The following ARMH3 variants were observed in gnomAD, a reference collection of about 807,000 sequenced individuals.
ARMH3 encodes the protein armadillo like helical domain containing 3.
ARMH3 carries 60 observed loss-of-function variants against 99.1 expected under a neutral mutation model. That is an observed-to-expected ratio of 0.61 (90% CI 0.49 to 0.75). The LOEUF is 0.75. Among genes scored for constraint, ARMH3 ranks in the 30% least tolerant of loss-of-function variants. The probability of loss-of-function intolerance (pLI) is 0.00; values close to 1 mark genes in which losing one functional copy is unlikely to be tolerated. For missense variants in ARMH3, 679 were observed against 843.1 expected (o/e 0.81, Z 2.41); for synonymous variants, 285 against 292.8 (o/e 0.97, Z 0.27).
chr10:101,878,731 G>A (rs1433140417), intron 24 of ARMH3, among the ~76,000 whole-genome samples: 1 of 152,000 alleles, frequency 6.6e-6, no homozygotes, highest in Non-Finnish European at 1.5e-5. Context: ...AGAGGCTGAG[G>A]CAGGAGGATC....
At chr10:102,009,523 G>C in intron 12 of ARMH3, 74 bp from the exon 13 acceptor site, 1 of 1,256,316 alleles carries the variant, frequency 8.0e-7, no homozygotes, top group Non-Finnish European at 1.2e-6. Context: ...ATGAAGATAA[G>C]ATTGGATTGC....
At chr10:102,040,965 T>C (rs2067396446) in intron 1 of ARMH3, among the ~76,000 whole-genome samples, 1 of 151,622 alleles carries the variant, frequency 6.6e-6, no homozygotes, top group African/African-American at 2.4e-5. Context: ...TCTTTAGAAA[T>C]TCCTCTGGAA....
intron 1 of ARMH3, among the ~76,000 whole-genome samples, chr10:102,043,232 T>A (rs1291773917): frequency 1.3e-5 from 2 of 152,176 alleles, no homozygotes; most frequent in Non-Finnish European, 2.9e-5. Flanking sequence ...TTGCAAGGCA[T>A]AATGGAACAA....
chr10:101,882,672 G>C lies in ARMH3; in HGVS notation c.1860+6740C>G, dbSNP rs372840236. Among the ~76,000 whole-genome samples, 63 of 152,234 alleles carry C rather than the reference G, an allele frequency of 4.1e-4. 2 individuals carry two copies. Among genetic ancestry groups the C allele is most frequent in the African/African-American group, 1.5e-3 (62 of 41,540 alleles). Reference sequence around the variant, plus strand: ...ATGCCACCATGCCCGGCTAATTTTTGTATTTTTAGTAGAGACAGGGTTTCA... The same window carrying C: ...ATGCCACCATGCCCGGCTAATTTTTCTATTTTTAGTAGAGACAGGGTTTCA... On this transcript the variant is annotated intron_variant, in intron 24 of 25. Coordinates refer to ENST00000370033, the MANE Select transcript of ARMH3 (RefSeq NM_024541.3).
chr10:102,011,210 T>G (rs1364136706), intron 11 of ARMH3, among the ~76,000 whole-genome samples: 3 of 152,104 alleles, frequency 2.0e-5, no homozygotes, highest in East Asian at 3.9e-4. Context: ...CCTAAGCTAT[T>G]AGAAGAGTGG....
intron 23 of ARMH3, among the ~76,000 whole-genome samples, chr10:101,913,646 G>C (rs1590011952): frequency 6.6e-6 from 1 of 152,184 alleles, no homozygotes; most frequent in African/African-American, 2.4e-5. Flanking sequence ...GATTATAGGC[G>C]TAAGCCACTG....
At chr10:101,913,809 A>G (rs1166956165) in intron 23 of ARMH3, among the ~76,000 whole-genome samples, 1 of 152,114 alleles carries the variant, frequency 6.6e-6, no homozygotes, top group Non-Finnish European at 1.5e-5. Context: ...CACTTCAGAA[A>G]CTTCCCAGGT....
At chr10:101,990,199 C>T (rs6584468) in intron 19 of ARMH3, among the ~76,000 whole-genome samples, 79,855 of 136,410 alleles carry the variant, frequency 0.59, 22,252 homozygotes, top group East Asian at 0.77. Context: ...TTTTTTTTTT[C>T]CCAGACAGAG....
chr10:102,050,324 C>G (rs1006557683), intron 1 of ARMH3, among the ~76,000 whole-genome samples: 1 of 151,736 alleles, frequency 6.6e-6, no homozygotes, highest in African/African-American at 2.4e-5. Context: ...TGGTGGGCAC[C>G]TGTAGTCCCA....
intron 23 of ARMH3, among the ~76,000 whole-genome samples, chr10:101,920,517 A>G (rs188393714): frequency 1.2e-3 from 190 of 152,324 alleles, no homozygotes; most frequent in African/African-American, 4.3e-3. Flanking sequence ...GCGAGGGGAC[A>G]AGCACAGAGA....
intron 8 of ARMH3, among the ~76,000 whole-genome samples, chr10:102,022,726 G>A (rs183594927): frequency 7.4e-5 from 11 of 148,562 alleles, no homozygotes; most frequent in East Asian, 2.1e-4. Flanking sequence ...GACCACAGGC[G>A]CACACTGCCA....
chr10:102,009,478 GT>G, intron 12 of ARMH3, 29 bp from the exon 13 acceptor site: 1 of 1,563,122 alleles, frequency 6.4e-7, no homozygotes. Flanking sequence ...AATTGGAGCA[GT>G]TTTTATAGTG....
rs768920716 is a variant in ARMH3, at chr10:101,993,534, C to T, written c.1275+4G>A. The T allele has an allele frequency of 6.3e-7, 1 of 1,589,954 alleles. No individual in the cohort carries two copies. Among genetic ancestry groups the T allele is most frequent in the Admixed American group, 1.8e-5 (1 of 55,576 alleles). On this transcript the variant is annotated splice_donor_region_variant and intron_variant, in intron 17 of 25. Coordinates refer to ENST00000370033, the MANE Select transcript of ARMH3 (RefSeq NM_024541.3). ...AAAAAACAAGAAGCAAAAGAAACAC[C>T]TACCATTCTATGTAAGTTTACTCGA...
intron 5 of ARMH3, among the ~76,000 whole-genome samples, chr10:102,025,505 A>T (rs915506928): frequency 6.6e-6 from 1 of 152,234 alleles, no homozygotes; most frequent in Non-Finnish European, 1.5e-5. Context: ...GTTGCACAAG[A>T]GAGTAAAGAA....
rs1368119555 is a variant in ARMH3 at position 102,027,480 on chromosome 10, C to T, written c.414+2158G>A. On this transcript the variant is annotated intron_variant, in intron 5 of 25. Transcript: ENST00000370033. The stretch of plus-strand genomic sequence containing the variant: ...AGCGTGGGGCCTGTGAAGACAGCTG[C>T]TCCCATTCTGAAAGAGAATGAATGA... Among the ~76,000 whole-genome samples, 3 of 151,918 alleles carry T rather than the reference C, an allele frequency of 2.0e-5. No individual in the cohort carries two copies. In the East Asian group the frequency reaches 5.8e-4, roughly 29 times the overall value.
intron 10 of ARMH3, among the ~76,000 whole-genome samples, chr10:102,011,998 G>A (rs555495483): frequency 6.6e-6 from 1 of 152,308 alleles, no homozygotes; most frequent in South Asian, 2.1e-4. Context: ...GCTACTTTGG[G>A]AGAGACTTAG....
At chr10:101,966,102 C>CTTTTTTTTTTTT (rs1047048779) in intron 20 of ARMH3, among the ~76,000 whole-genome samples, 5 of 126,290 alleles carry the variant, frequency 4.0e-5, no homozygotes, top group African/African-American at 5.8e-5. Context: ...TTTTTCTTTT[C>CTTTTTTTTTTTT]TTTTTTTTTT....
At chr10:101,950,400 A>C (rs1844732048) in intron 22 of ARMH3, among the ~76,000 whole-genome samples, 1 of 152,234 alleles carries the variant, frequency 6.6e-6, no homozygotes, top group African/African-American at 2.4e-5. Flanking sequence ...GTTCCTCAAA[A>C]GGTTATAAAC....
intron 15 of ARMH3, among the ~76,000 whole-genome samples, chr10:101,998,763 C>A (rs1486327845): frequency 6.6e-6 from 1 of 152,186 alleles, no homozygotes; most frequent in African/African-American, 2.4e-5. Context: ...AACTCTCCAA[C>A]CAGAAACCTA....
Sources: gnomAD v4.1 joint callset for allele counts (sites outside exome capture counted in the v4.1 genomes callset) on GRCh38, gnomAD v4.1.1 for gene constraint, MANE v1.5 for transcripts, NCBI Gene and HGNC (gene_info 2026-07-23, HGNC 2026-07-21) for gene names.